STPG2: variants seen among roughly 807,000 people sequenced by gnomAD.
The protein encoded by STPG2 is sperm-tail PG-rich repeat-containing protein 2.
In STPG2, 56 loss-of-function variants were observed where a neutral mutation model predicts 54.2. That is an observed-to-expected ratio of 1.03 (90% CI 0.83 to 1.29). STPG2 has a LOEUF of 1.29. Among genes scored for constraint, STPG2 ranks in the 50% most tolerant of loss-of-function variants. The pLI, the probability that STPG2 is intolerant of heterozygous loss-of-function variation, is 0.00. For synonymous variants in STPG2, 200 were observed against 181.8 expected, an observed-to-expected ratio of 1.10 and a Z score of -0.81; for missense variants, 596 against 544.9, an observed-to-expected ratio of 1.09 and a Z score of -0.93.
intron 4 of STPG2, among the ~76,000 whole-genome samples, chr4:97,515,077 A>C (rs1731047414): frequency 6.6e-6 from 1 of 152,132 alleles, no homozygotes; most frequent in Non-Finnish European, 1.5e-5. Flanking sequence ...GTGAGACGTG[A>C]CTAATAAGTT....
chr4:97,962,519 T>G (rs1041457962), intron 7 of STPG2, among the ~76,000 whole-genome samples: 1 of 152,192 alleles, frequency 6.6e-6, no homozygotes, highest in Non-Finnish European at 1.5e-5. Flanking sequence ...AAATCAGACA[T>G]GTTTAGGGTT....
chr4:97,840,351 G>C (rs1728761018), intron 9 of STPG2, among the ~76,000 whole-genome samples: 1 of 151,270 alleles, frequency 6.6e-6, no homozygotes, highest in Middle Eastern at 3.4e-3. Flanking sequence ...TGGTAAAATT[G>C]TCTTTGGTAA....
chr4:97,791,548 C>T (rs1726991158), intron 9 of STPG2, among the ~76,000 whole-genome samples: 1 of 152,060 alleles, frequency 6.6e-6, no homozygotes. Flanking sequence ...ATTAAAGTCA[C>T]ATTGAAGTCT....
chr4:97,715,374 T>A (rs1257779743), intron 9 of STPG2, among the ~76,000 whole-genome samples: 1 of 152,144 alleles, frequency 6.6e-6, no homozygotes, highest in South Asian at 2.1e-4. Flanking sequence ...TAGTGTATAA[T>A]GGGAAATTCA....
chr4:98,085,928 A>G (rs2110120871), intron 5 of STPG2, among the ~76,000 whole-genome samples: 1 of 152,208 alleles, frequency 6.6e-6, no homozygotes, highest in Admixed American at 6.5e-5. Context: ...TGTTCCTTTT[A>G]TAAATATTTT....
At chr4:97,681,310 A>G (rs1723027324) in intron 10 of STPG2, among the ~76,000 whole-genome samples, 1 of 151,952 alleles carries the variant, frequency 6.6e-6, no homozygotes, top group Non-Finnish European at 1.5e-5. Flanking sequence ...GATATAGAAC[A>G]AGAAAAAGAA....
chr4:97,949,605 G>C (rs1042893316), intron 7 of STPG2, among the ~76,000 whole-genome samples: 3 of 152,118 alleles, frequency 2.0e-5, no homozygotes, highest in Non-Finnish European at 4.4e-5. Flanking sequence ...TGGTCTGGTA[G>C]TAAAAAGTTT....
At chr4:97,450,486 A>T (rs1266583181) in intron 4 of STPG2, among the ~76,000 whole-genome samples, 1 of 152,240 alleles carries the variant, frequency 6.6e-6, no homozygotes, top group African/African-American at 2.4e-5. Flanking sequence ...AGAAGAATGG[A>T]CCAAGTAAAG....
At chr4:97,904,479 G>C (rs1456278232) in intron 8 of STPG2, among the ~76,000 whole-genome samples, 4 of 152,160 alleles carry the variant, frequency 2.6e-5, no homozygotes, top group Non-Finnish European at 5.9e-5. Flanking sequence ...AAGACCAAAA[G>C]TAGATAAAAC....
At chr4:97,945,082 T>C (rs1245077606) in intron 7 of STPG2, among the ~76,000 whole-genome samples, 1 of 152,180 alleles carries the variant, frequency 6.6e-6, no homozygotes, top group Non-Finnish European at 1.5e-5. Context: ...CGATAGCTTT[T>C]GGGGTACAAG....
intron 5 of STPG2, among the ~76,000 whole-genome samples, chr4:98,034,095 T>G (rs1043237614): frequency 1.1e-4 from 16 of 152,222 alleles, no homozygotes; most frequent in African/African-American, 3.9e-4. Flanking sequence ...TTGAAAGTTC[T>G]GGCCAGGGCA....
intron 4 of STPG2, among the ~76,000 whole-genome samples, chr4:97,548,572 T>C (rs552243167): frequency 6.6e-6 from 1 of 152,066 alleles, no homozygotes; most frequent in East Asian, 1.9e-4. Context: ...ATAATAATAG[T>C]ATGAAATAAT....
intron 1 of STPG2, among the ~76,000 whole-genome samples, chr4:98,140,645 A>G (rs1199995949): frequency 1.3e-5 from 2 of 152,102 alleles, no homozygotes; most frequent in African/African-American, 4.8e-5. Context: ...CTAATAGGGA[A>G]TTTTTAAAAA....
chr4:97,525,429 A>G (rs1731261900), intron 4 of STPG2, among the ~76,000 whole-genome samples: 1 of 152,104 alleles, frequency 6.6e-6, no homozygotes, highest in Admixed American at 6.6e-5. Context: ...GTTGTGACTC[A>G]GCAGCAGGAA....
At chr4:97,753,247 C>T (rs1233944979) in intron 9 of STPG2, among the ~76,000 whole-genome samples, 1 of 151,916 alleles carries the variant, frequency 6.6e-6, no homozygotes, top group African/African-American at 2.4e-5. Context: ...TTTTCTCCTC[C>T]TCAGACCCTG....
chr4:97,558,689 G>A (rs1345589310), downstream of STPG2, among the ~76,000 whole-genome samples: 1 of 152,186 alleles, frequency 6.6e-6, no homozygotes, highest in Non-Finnish European at 1.5e-5. Flanking sequence ...CCATGTGACT[G>A]AGCCTAGGAG....
At chr4:97,767,424 G>A (rs1032013237) in intron 9 of STPG2, among the ~76,000 whole-genome samples, 2 of 152,086 alleles carry the variant, frequency 1.3e-5, no homozygotes, top group African/African-American at 4.8e-5. Flanking sequence ...AATACAGAGA[G>A]TCTGAATCTC....
chr4:97,628,272 C>T (rs992839477), intron 10 of STPG2, among the ~76,000 whole-genome samples: 2 of 152,076 alleles, frequency 1.3e-5, no homozygotes, highest in African/African-American at 4.8e-5. Flanking sequence ...CTGAGTAAGA[C>T]ATCGTAACAT....
chr4:97,784,550 C>A (rs1726763535), intron 9 of STPG2, among the ~76,000 whole-genome samples: 2 of 149,692 alleles, frequency 1.3e-5, no homozygotes, highest in Admixed American at 6.7e-5. Flanking sequence ...ATTTTTTGTC[C>A]CAAATGAAAC....
Sources: allele counts gnomAD v4.1 joint callset (sites outside exome capture counted in the v4.1 genomes callset), GRCh38; gene constraint gnomAD v4.1.1; transcripts MANE v1.5; gene names NCBI Gene and HGNC (gene_info 2026-07-23, HGNC 2026-07-21).